Variants in SYN1 observed in about 807,000 individuals in gnomAD.
SYN1 encodes synapsin I, also known as synapsin-1.
SYN1 carries 8 observed loss-of-function variants against 44.6 expected under a neutral mutation model. That is an observed-to-expected ratio of 0.18 (90% CI 0.11 to 0.32). The LOEUF is 0.32. SYN1 is among the 10% of genes least tolerant of loss of function. SYN1 has a pLI of 1.00. For missense variants in SYN1, 451 were observed against 639.4 expected, an observed-to-expected ratio of 0.71 and a Z score of 3.18; for synonymous variants, 275 against 280.1, an observed-to-expected ratio of 0.98 and a Z score of 0.18.
At chrX:47,589,157 G>A (rs939066290) in intron 5 of SYN1, among the ~76,000 whole-genome samples, 5 of 108,001 alleles carry the variant, frequency 4.6e-5, no homozygotes, top group African/African-American at 1.7e-4. Context: ...TTAGCCAGCT[G>A]TGGTGGCGCA....
rs764050293 is a variant in SYN1 at position 47,585,404 on chromosome X, C to T, written c.775-7903G>A. 1.1e-5 allele frequency: 13 copies of T among 1,200,496 alleles called. No individual in the cohort carries two copies. In the South Asian group the frequency reaches 2.2e-4, roughly 20 times the overall value. On this transcript the variant is annotated intron_variant, in intron 5 of 12. Coordinates refer to ENST00000295987, the MANE Select transcript of SYN1 (RefSeq NM_006950.3). Reference sequence around the variant, plus strand: ...GCGCGGCCTAGCAACCACGAGGGGGCGAGGCTCTGATGGGAATGGTCCCAC... The same window carrying T: ...GCGCGGCCTAGCAACCACGAGGGGGTGAGGCTCTGATGGGAATGGTCCCAC...
chrX:47,581,875 A>G (rs1047633715), intron 5 of SYN1, among the ~76,000 whole-genome samples: 1 of 111,525 alleles, frequency 9.0e-6, no homozygotes, highest in African/African-American at 3.3e-5. Context: ...ATCCTGGGTA[A>G]GTCACTTAAC....
chrX:47,604,067 C>T (rs746271045), intron 5 of SYN1, among the ~76,000 whole-genome samples: 21 of 108,649 alleles, frequency 1.9e-4, no homozygotes, highest in African/African-American at 6.0e-4. Context: ...ACCACCACGC[C>T]GGGCTAATTT....
intron 5 of SYN1, among the ~76,000 whole-genome samples, chrX:47,581,710 G>A (rs1430288884): frequency 8.9e-6 from 1 of 112,071 alleles, no homozygotes; most frequent in Non-Finnish European, 1.9e-5. Flanking sequence ...TCAGAGATTT[G>A]TTGTGAGCTT....
chrX:47,618,334 G>A (rs767859116), intron 1 of SYN1, among the ~76,000 whole-genome samples: 13 of 112,061 alleles, frequency 1.2e-4, no homozygotes, highest in Non-Finnish European at 2.4e-4. Context: ...TGAATACACT[G>A]GAGGAAAGAA....
At position 47,619,820 on chromosome X, in the gene SYN1, C is replaced by G. The variant is rs958525940; in HGVS notation, c.-92G>C. The stretch of plus-strand genomic sequence containing the variant: ...GTGCCCAGGAGCACAGCTGCGCTCT[C>G]AGGCACGACACGACTCCTCCGCTGC... On this transcript the variant is annotated 5_prime_UTR_variant, in exon 1 of 13. Transcript: ENST00000295987. The G allele has an allele frequency of 3.5e-5, 34 of 959,590 alleles. No homozygotes were observed. In the African/African-American group the frequency reaches 5.5e-4, roughly 16 times the overall value. The allele number at this position is 959,590 out of a possible 1,213,427, so 79.1% of individuals were successfully genotyped here.
intron 5 of SYN1, among the ~76,000 whole-genome samples, chrX:47,577,879 G>T (rs1291633731): frequency 4.6e-5 from 5 of 108,332 alleles, no homozygotes; most frequent in Non-Finnish European, 9.6e-5. Context: ...GGGGGTGGGG[G>T]GGGTGGGGAG....
At chrX:47,593,971 C>T (rs773396803) in intron 5 of SYN1, among the ~76,000 whole-genome samples, 251 of 112,235 alleles carry the variant, frequency 2.2e-3, no homozygotes, top group Non-Finnish European at 3.8e-3. Flanking sequence ...TGGCTCATGC[C>T]TGTAATCCTA....
intron 5 of SYN1, among the ~76,000 whole-genome samples, chrX:47,581,192 CA>C (rs2057797125): frequency 8.9e-6 from 1 of 112,070 alleles, no homozygotes; most frequent in African/African-American, 3.2e-5. Context: ...ACTTAATTAG[CA>C]AGGGAGTATG....
intron 6 of SYN1, 123 bp from the exon 7 acceptor site, chrX:47,576,763 A>C: frequency 1.1e-6 from 1 of 933,813 alleles, no homozygotes; most frequent in Non-Finnish European, 1.5e-6. Context: ...AATTAGGTGG[A>C]CATGCCAAGG....
At chrX:47,586,842 G>A (rs2057829464) in intron 5 of SYN1, 2 of 731,866 alleles carry the variant, frequency 2.7e-6, no homozygotes. Flanking sequence ...TGATGACCTG[G>A]TGTGAGCACC....
chrX:47,599,271 G>GA (rs1438470371), intron 5 of SYN1, among the ~76,000 whole-genome samples: 10 of 108,769 alleles, frequency 9.2e-5, no homozygotes, highest in East Asian at 5.7e-4. Context: ...TCCTGTTTAG[G>GA]AAAAAAAAAC....
At chrX:47,580,378 C>T (rs1474103871) in intron 5 of SYN1, among the ~76,000 whole-genome samples, 1 of 108,675 alleles carries the variant, frequency 9.2e-6, no homozygotes, top group African/African-American at 3.3e-5. Context: ...CGCATGTAAT[C>T]GCAGCACTTT....
At chrX:47,587,607 CA>C (rs1346887771) in intron 5 of SYN1, 1 of 112,763 alleles carries the variant, frequency 8.9e-6, no homozygotes, top group Non-Finnish European at 1.9e-5. Flanking sequence ...ACCCTCCACA[CA>C]CCTCCCTCAA....
At chrX:47,605,466 T>C (rs963847132) in intron 3 of SYN1, 87 bp from the exon 4 acceptor site, 15 of 1,095,096 alleles carry the variant, frequency 1.4e-5, no homozygotes, top group Non-Finnish European at 1.9e-5. Flanking sequence ...TAAATCTCCA[T>C]AGCTCCCAGA....
In SYN1 at chrX:47,577,488, G is replaced by A. The variant is rs893864737; in HGVS notation, c.788C>T (p.Thr263Met). Reference sequence around the variant, plus strand: ...CCCCATCTTCACAACCACGGGGTACGTTGTACTGCTGAGCTGGTGGGGAAA... The same window carrying A: ...CCCCATCTTCACAACCACGGGGTACATTGTACTGCTGAGCTGGTGGGGAAA... ...PNHKEMLSST[T>M]YPVVVKMGHA... Residue 263 changes from threonine (T) to methionine (M), a missense_variant, in exon 6 of 13, where the codon ACG (threonine) becomes ATG (methionine). Thr to Met is a moderately conservative substitution (Grantham distance 81, BLOSUM62 -1). This residue lies in a region of SYN1 where 315 missense variants were observed against 451.4 expected (regional missense o/e 0.70). Transcript: ENST00000295987. 8.3e-7 allele frequency: 1 copy of A among 1,205,770 alleles called. No homozygotes were observed. Among genetic ancestry groups the A allele is most frequent in the South Asian group, 1.8e-5 (1 of 55,750 alleles).
At chrX:47,587,157 C>CA (rs1470523251) in intron 5 of SYN1, among the ~76,000 whole-genome samples, 4 of 113,076 alleles carry the variant, frequency 3.5e-5, no homozygotes, top group Non-Finnish European at 7.5e-5. Context: ...TGCCAGCTGA[C>CA]AGAGTCATTG....
rs796053394 is a variant in SYN1 at position 47,574,736 on chromosome X, A to T, written c.1345T>A (p.Ser449Thr). 6.7e-6 allele frequency: 8 copies of T among 1,187,325 alleles called. No homozygotes were observed. The African/African-American group carries it at 1.4e-4, about 21-fold the overall frequency. The change falls in exon 11 of 13, where the codon TCC (serine) becomes ACC (threonine). Residue 449 changes from serine to threonine, a missense_variant. By Grantham distance (58) the Ser-to-Thr change is moderately conservative. Around this residue, in one of 3 missense-constraint regions of SYN1, gnomAD observed 315 missense variants for 451.4 expected, o/e 0.70. Transcript: ENST00000295987. ...GCCGGGGGCCCTGCGGGCTGCTGGG[A>T]GGTCTGGCGGCCCAAGGGCAGGGCC... The part of the protein sequence containing the change: ...PGALPLGRQT[S>T]QQPAGPPAQQ...
intron 12 of SYN1, 86 bp downstream of exon 12, chrX:47,573,916 G>T: frequency 1.1e-6 from 1 of 901,731 alleles, no homozygotes; most frequent in Non-Finnish European, 1.4e-6. Flanking sequence ...CTGGGTCTGA[G>T]GAGCAAGGGA....
Sources: allele counts gnomAD v4.1 joint callset (sites outside exome capture counted in the v4.1 genomes callset), GRCh38; gene constraint gnomAD v4.1.1; regional missense constraint gnomAD v4.1.1; transcripts MANE v1.5; gene names NCBI Gene and HGNC (gene_info 2026-07-23, HGNC 2026-07-21).